Variants in PSMC6 observed in about 807,000 individuals in gnomAD.
PSMC6 encodes the protein proteasome 26S subunit, ATPase 6.
Under a neutral mutation model 55.9 loss-of-function variants are expected in PSMC6, and 3 were observed. That is an observed-to-expected ratio of 0.05 (90% CI 0.02 to 0.14). PSMC6 has a LOEUF of 0.14. PSMC6 is among the 10% of genes least tolerant of loss of function. The probability of loss-of-function intolerance (pLI) is 1.00; values close to 1 mark genes in which losing one functional copy is unlikely to be tolerated. For synonymous variants in PSMC6, 137 were observed against 155.9 expected, an observed-to-expected ratio of 0.88 and a Z score of 0.90; for missense variants, 210 against 478.7, an observed-to-expected ratio of 0.44 and a Z score of 5.24.
intron 13 of PSMC6, among the ~76,000 whole-genome samples, chr14:52,726,122 A>C (rs1285095907): frequency 1.3e-5 from 2 of 152,230 alleles, no homozygotes; most frequent in Non-Finnish European, 2.9e-5. Context: ...TCATTTAATT[A>C]GTAGATAGCA....
intron 6 of PSMC6, among the ~76,000 whole-genome samples, chr14:52,713,058 C>A (rs995377396): frequency 1.3e-5 from 2 of 152,030 alleles, no homozygotes; most frequent in African/African-American, 2.4e-5. Flanking sequence ...CAGTGAAACC[C>A]CATCTCTTCT....
rs114789249 is a variant in PSMC6 at position 52,712,164 on chromosome 14, T to C, written c.441+640T>C. Among the ~76,000 whole-genome samples the C allele has an allele frequency of 2.9e-3, 448 of 152,324 alleles. 3 individuals carry two copies. Among genetic ancestry groups the C allele is most frequent in the African/African-American group, 0.01 (431 of 41,574 alleles). On this transcript the variant is annotated intron_variant, in intron 6 of 13. Transcript: ENST00000445930. ...GGAATTAATGGGAATAATTGGAATG[T>C]CTTACACAATCTGATTTAAGCTTTA...
Position 52,723,649 on chromosome 14 carries a change from A to C in PSMC6, c.980-316A>C, listed in dbSNP as rs1449525035. 6.6e-5 allele frequency: 17 copies of C among 257,688 alleles called. No individual in the cohort carries two copies. The Admixed American group carries it at 9.1e-4, about 14-fold the overall frequency. The allele number at this position is 257,688 out of a possible 1,614,324, so 16.0% of individuals were successfully genotyped here. ...TCCAAGATTTGATTACAGTTTTGAT[A>C]AGAGTCACAGCTTAACAGGTATCTG... is the stretch of plus-strand genomic sequence containing the variant. On this transcript the variant is annotated intron_variant, in intron 12 of 13. Coordinates refer to ENST00000445930, the MANE Select transcript of PSMC6 (RefSeq NM_002806.5).
At chr14:52,719,151 T>C in intron 10 of PSMC6, 113 bp downstream of exon 10, 1 of 953,938 alleles carries the variant, frequency 1.0e-6, no homozygotes, top group Non-Finnish European at 1.6e-6. Context: ...AAATATGAAA[T>C]TTGAAAATAT....
In PSMC6 at chr14:52,718,153, G is replaced by T. The variant is rs775158903; in HGVS notation, c.591+11G>T. On this transcript the variant is annotated intron_variant, in intron 8 of 13. Transcript: ENST00000445930. ...TGCAATTTCTTAAAGGTAAAGGGAA[G>T]ATTATTTTGTACTTATTGAAATTTA... 1.2e-5 allele frequency: 20 copies of T among 1,612,504 alleles called. No homozygotes were observed. Among genetic ancestry groups the T allele is most frequent in the Non-Finnish European group, 1.4e-5 (17 of 1,178,794 alleles).
chr14:52,727,135 C>G (rs1880453657), intron 13 of PSMC6, among the ~76,000 whole-genome samples: 1 of 151,272 alleles, frequency 6.6e-6, no homozygotes, highest in Admixed American at 6.6e-5. Context: ...ATTCTCCTGC[C>G]TTAGCCTCCC....
chr14:52,721,774 A>AT (rs2041893397), intron 12 of PSMC6: 1 of 152,602 alleles, frequency 6.6e-6, no homozygotes, highest in East Asian at 1.9e-4. Context: ...CAAGAAGGTA[A>AT]TTTATTTTTT....
chr14:52,708,989 G>T (rs2041735232), intron 4 of PSMC6, 173 bp downstream of exon 4: 4 of 848,094 alleles, frequency 4.7e-6, no homozygotes, highest in South Asian at 2.1e-5. Context: ...CATGGGCTTT[G>T]ACTCCTGGCA....
In PSMC6 at chr14:52,720,843, GAT is replaced by G. The variant is rs1336718713; in HGVS notation, c.778-17_778-16del. 2 of 1,568,862 alleles carry G rather than the reference GAT, an allele frequency of 1.3e-6. No homozygotes were observed. The highest frequency in any genetic ancestry group is 1.7e-6 in the Non-Finnish European group (2 of 1,149,104). On this transcript the variant is annotated splice_polypyrimidine_tract_variant and intron_variant, in intron 10 of 13. Transcript: ENST00000445930. ...AATGGTTAGAATTTTTGTAAAATCTGATTCTTAATATTCTTAGTTACTGAATC... is the reference window on the plus strand; with the variant it reads ...AATGGTTAGAATTTTTGTAAAATCTGTCTTAATATTCTTAGTTACTGAATC...
chr14:52,726,070 GAA>G (rs1880397884), intron 13 of PSMC6, among the ~76,000 whole-genome samples: 1 of 152,124 alleles, frequency 6.6e-6, no homozygotes, highest in Admixed American at 6.6e-5. Flanking sequence ...TTATGTAAGT[GAA>G]AATTCAATAC....
chr14:52,727,350 G>T (rs74620173), intron 13 of PSMC6, 149 bp from the exon 14 acceptor site: 63,561 of 596,582 alleles, frequency 0.11, 3,780 homozygotes, highest in African/African-American at 0.15. Flanking sequence ...ATTGAAAAAA[G>T]ATAGTGGTTT....
chr14:52,727,018 A>ATT (rs66797420), intron 13 of PSMC6, among the ~76,000 whole-genome samples: 4,960 of 102,072 alleles, frequency 0.049, 444 homozygotes, highest in African/African-American at 0.085. Context: ...ACCGCTATGG[A>ATT]TTTTTTTTTT....
At chr14:52,711,063 TA>T in intron 4 of PSMC6, 37 bp from the exon 5 acceptor site, 1 of 1,396,540 alleles carries the variant, frequency 7.2e-7, no homozygotes, top group South Asian at 1.2e-5. Flanking sequence ...ATTCCGTTTT[TA>T]AGTGTTGATG....
rs1880495517 is a variant in PSMC6, at chr14:52,728,134, C to T, written c.*517C>T. On this transcript the variant is annotated 3_prime_UTR_variant, in exon 14 of 14. Coordinates refer to ENST00000445930, the MANE Select transcript of PSMC6 (RefSeq NM_002806.5). ...TACACATACTTAATGTTCATAAGATCATCTTCTTAAATAAAACATGGATGT... is the reference window on the plus strand; with the variant it reads ...TACACATACTTAATGTTCATAAGATTATCTTCTTAAATAAAACATGGATGT... 1.3e-5 allele frequency: 2 copies of T among 152,832 alleles called. No individual in the cohort carries two copies. Among genetic ancestry groups the T allele is most frequent in the Admixed American group, 6.5e-5 (1 of 15,326 alleles). 9.5% of individuals were successfully genotyped at this position (152,832 alleles called of 1,614,324 possible). A position where few individuals can be genotyped will look rare whatever the true frequency, so the allele number is the denominator to read the frequency against.
At chr14:52,720,627 T>C (rs1036841643) in intron 10 of PSMC6, among the ~76,000 whole-genome samples, 1 of 152,136 alleles carries the variant, frequency 6.6e-6, no homozygotes, top group African/African-American at 2.4e-5. Flanking sequence ...ACCTGGTAGC[T>C]ATAGAAAGAT....
At position 52,708,185 on chromosome 14, in the gene PSMC6, A is replaced by G. The variant is rs2041725084; in HGVS notation, c.86-124A>G. On this transcript the variant is annotated intron_variant, in intron 1 of 13. Transcript: ENST00000445930. ...ACAGCATTATTTCTTTTATGGTTTG[A>G]AACAGTGGATGTGAAACTTAGGTAA... 1.6e-5 allele frequency: 12 copies of G among 769,626 alleles called. 1 individual carries two copies. In the South Asian group the frequency reaches 1.8e-4, roughly 12 times the overall value. The allele number at this position is 769,626 out of a possible 1,614,324, so 47.7% of individuals were successfully genotyped here. A position where few individuals can be genotyped will look rare whatever the true frequency, so the allele number is the denominator to read the frequency against.
At chr14:52,721,353 T>C in intron 12 of PSMC6, 163 bp downstream of exon 12, 1 of 572,104 alleles carries the variant, frequency 1.7e-6, no homozygotes. Flanking sequence ...CTAGGAACCA[T>C]TGTAAGTGTT....
rs2041798300 is a variant in PSMC6 at position 52,713,580 on chromosome 14, T to A, written c.442-301T>A. Among the ~76,000 whole-genome samples the A allele has an allele frequency of 2.0e-5, 3 of 152,222 alleles. No homozygotes were observed. The South Asian group carries it at 6.2e-4, about 32-fold the overall frequency. On this transcript the variant is annotated intron_variant, in intron 6 of 13. Coordinates refer to ENST00000445930, the MANE Select transcript of PSMC6 (RefSeq NM_002806.5). ...GAGGTATAATTACATTAAAAAAATG[T>A]AGATTCTTAAGTGTACATTTCAAAT...
At chr14:52,718,487 T>G in intron 9 of PSMC6, 135 bp downstream of exon 9, 2 of 1,024,968 alleles carry the variant, frequency 2.0e-6, no homozygotes, top group Middle Eastern at 2.2e-4. Flanking sequence ...TTTAACCAAT[T>G]TTAATAAATA....
Sources: gnomAD v4.1 joint callset for allele counts (sites outside exome capture counted in the v4.1 genomes callset) on GRCh38, gnomAD v4.1.1 for gene constraint, MANE v1.5 for transcripts, NCBI Gene and HGNC (gene_info 2026-07-23, HGNC 2026-07-21) for gene names.